Variants in CBFA2T2 observed in about 807,000 individuals in gnomAD.
The protein encoded by CBFA2T2 is CBFA2/RUNX1 partner transcriptional co-repressor 2.
A neutral mutation model predicts 62.2 loss-of-function variants in CBFA2T2; 11 were observed. The ratio of observed to expected loss-of-function variants is 0.18; its 90% confidence interval spans 0.11 to 0.29. The LOEUF is 0.29. Among genes scored for constraint, CBFA2T2 ranks in the 10% least tolerant of loss-of-function variants. CBFA2T2 has a pLI of 1.00. For missense variants in CBFA2T2, 592 were observed against 774.1 expected (o/e 0.76, Z 2.79); for synonymous variants, 295 against 287.5 (o/e 1.03, Z -0.27).
chr20:33,542,560 G>T (rs2012435639), intron 1 of CBFA2T2, among the ~76,000 whole-genome samples: 3 of 151,978 alleles, frequency 2.0e-5, no homozygotes. Flanking sequence ...ATGCATTTGA[G>T]TTTTGTTGTT....
chr20:33,631,025 G>A (rs750903952), intron 8 of CBFA2T2, among the ~76,000 whole-genome samples: 6 of 152,080 alleles, frequency 3.9e-5, no homozygotes, highest in Non-Finnish European at 5.9e-5. Flanking sequence ...GTAAAAACTC[G>A]AAAAACAGGC....
chr20:33,561,732 C>T (rs1337220750), intron 1 of CBFA2T2, among the ~76,000 whole-genome samples: 1 of 152,088 alleles, frequency 6.6e-6, no homozygotes, highest in African/African-American at 2.4e-5. Context: ...TATGTTATTT[C>T]TGACATTTAT....
intron 1 of CBFA2T2, among the ~76,000 whole-genome samples, chr20:33,601,530 G>T (rs1024593551): frequency 2.0e-5 from 3 of 151,858 alleles, no homozygotes; most frequent in South Asian, 2.1e-4. Flanking sequence ...TTCCCAAAGC[G>T]CTGGGATTAC....
chr20:33,554,408 C>G (rs998009914), intron 1 of CBFA2T2, among the ~76,000 whole-genome samples: 6 of 151,310 alleles, frequency 4.0e-5, no homozygotes, highest in African/African-American at 7.3e-5. Context: ...GCCACCTGGC[C>G]CAGCTAGGTT....
intron 1 of CBFA2T2, among the ~76,000 whole-genome samples, chr20:33,528,202 C>T (rs987445226): frequency 2.6e-5 from 4 of 152,206 alleles, no homozygotes; most frequent in Admixed American, 1.3e-4. Flanking sequence ...TCAAAGTTTA[C>T]TTCTCTCAGA....
chr20:33,539,110 G>A (rs758971596), intron 1 of CBFA2T2, among the ~76,000 whole-genome samples: 4 of 152,200 alleles, frequency 2.6e-5, no homozygotes, highest in Non-Finnish European at 5.9e-5. Flanking sequence ...CATCAGAGTT[G>A]AGGTTCGGAA....
chr20:33,548,573 G>T (rs143082632), intron 1 of CBFA2T2, among the ~76,000 whole-genome samples: 3 of 152,052 alleles, frequency 2.0e-5, no homozygotes, highest in African/African-American at 7.2e-5. Flanking sequence ...GTAGTCTTTG[G>T]ACTTAGTTTC....
intron 1 of CBFA2T2, chr20:33,562,791 G>A: frequency 5.6e-6 from 3 of 531,346 alleles, no homozygotes; most frequent in Non-Finnish European, 7.2e-6. Context: ...TGATACAAGA[G>A]TTCAGCCTTT....
At chr20:33,520,381 T>C (rs550909751) in intron 1 of CBFA2T2, among the ~76,000 whole-genome samples, 16 of 152,344 alleles carry the variant, frequency 1.1e-4, no homozygotes, top group African/African-American at 3.8e-4. Context: ...TAATGCTATA[T>C]TGTCTTGGTA....
At chr20:33,536,453 G>T (rs888062865) in intron 1 of CBFA2T2, among the ~76,000 whole-genome samples, 3 of 149,296 alleles carry the variant, frequency 2.0e-5, no homozygotes, top group African/African-American at 7.6e-5. Context: ...CCTCCCGGAC[G>T]GGGCGGCTGG....
intron 3 of CBFA2T2, among the ~76,000 whole-genome samples, chr20:33,613,421 C>G (rs1306031616): frequency 6.6e-6 from 1 of 152,228 alleles, no homozygotes; most frequent in Non-Finnish European, 1.5e-5. Flanking sequence ...GTGAGAGAGA[C>G]ACAGTCTGGA....
chr20:33,493,690 A>G (rs761143523), intron 1 of CBFA2T2, among the ~76,000 whole-genome samples: 12 of 151,782 alleles, frequency 7.9e-5, no homozygotes, highest in Non-Finnish European at 1.3e-4. Flanking sequence ...TTTTGTAGAC[A>G]TGGGGTTTCA....
At chr20:33,577,023 T>C (rs2013864326) in intron 1 of CBFA2T2, among the ~76,000 whole-genome samples, 1 of 152,232 alleles carries the variant, frequency 6.6e-6, no homozygotes, top group South Asian at 2.1e-4. Context: ...ATAGATGAAT[T>C]GAGAGGGTGC....
intron 1 of CBFA2T2, among the ~76,000 whole-genome samples, chr20:33,593,504 A>G (rs184810133): frequency 5.6e-5 from 8 of 142,500 alleles, no homozygotes; most frequent in South Asian, 2.3e-4. Context: ...GTGATTCTCC[A>G]GTGTCAGCCT....
At chr20:33,500,286 A>G (rs78213129) in intron 1 of CBFA2T2, among the ~76,000 whole-genome samples, 4,175 of 151,866 alleles carry the variant, frequency 0.027, 88 homozygotes, top group Middle Eastern at 0.051. Context: ...CCTCTATCGC[A>G]TGGCTTCTTT....
At chr20:33,513,339 T>TA (rs2011541485) in intron 1 of CBFA2T2, among the ~76,000 whole-genome samples, 1 of 151,722 alleles carries the variant, frequency 6.6e-6, no homozygotes, top group Non-Finnish European at 1.5e-5. Flanking sequence ...TCATAGACCG[T>TA]AATGGGTTTT....
At chr20:33,611,060 GT>G (rs2122298138) in intron 2 of CBFA2T2, 33 bp from the exon 3 acceptor site, 1 of 1,610,366 alleles carries the variant, frequency 6.2e-7, no homozygotes, top group East Asian at 2.2e-5. Flanking sequence ...TGTTTTACAC[GT>G]AACCTGAGTC....
intron 6 of CBFA2T2, 100 bp downstream of exon 6, chr20:33,625,117 T>C: frequency 2.5e-6 from 3 of 1,211,864 alleles, no homozygotes; most frequent in South Asian, 2.9e-5. Context: ...TTCCCACTGA[T>C]TGGATAAAAC....
intron 1 of CBFA2T2, among the ~76,000 whole-genome samples, chr20:33,503,741 C>G (rs191591692): frequency 6.6e-6 from 1 of 152,010 alleles, no homozygotes; most frequent in Non-Finnish European, 1.5e-5. Context: ...CGGCTGGCCT[C>G]GAACTCCTGG....
Sources: gnomAD v4.1 joint callset for allele counts (sites outside exome capture counted in the v4.1 genomes callset) on GRCh38, gnomAD v4.1.1 for gene constraint, MANE v1.5 for transcripts, NCBI Gene and HGNC (gene_info 2026-07-23, HGNC 2026-07-21) for gene names.